Variants in BICDL2 observed in about 807,000 individuals in gnomAD.
BICDL2 encodes BICD family-like cargo adapter 2.
BICDL2 carries 62 observed loss-of-function variants against 56.6 expected under a neutral mutation model. The ratio of observed to expected loss-of-function variants is 1.10; its 90% confidence interval spans 0.89 to 1.35. The LOEUF is 1.35. Among genes scored for constraint, BICDL2 ranks in the 40% most tolerant of loss-of-function variants. BICDL2 has a pLI of 0.00. For missense variants in BICDL2, 808 were observed against 684.5 expected (o/e 1.18, Z -2.01); for synonymous variants, 358 against 319.8 (o/e 1.12, Z -1.27).
chr16:3,030,980 G>C lies in BICDL2; in HGVS notation c.453C>G (p.Ser151Arg), dbSNP rs758642356. Reference protein sequence around the residue: ...DSGRERARALSELSEQNLRLS... With the variant: ...DSGRERARALRELSEQNLRLS... ...GCCGGAGGTTCTGCTCGCTGAGCTCGCTGAGGGCCCGTGCCCGTTCTCGCC... is the reference window on the plus strand; with the variant it reads ...GCCGGAGGTTCTGCTCGCTGAGCTCCCTGAGGGCCCGTGCCCGTTCTCGCC... Residue 151 changes from serine to arginine, a missense_variant, in exon 3 of 10, where the codon AGC (serine) becomes AGG (arginine). Physicochemically the swap from Ser to Arg is moderately radical, Grantham distance 110. Transcript: ENST00000572449. 6.4e-7 allele frequency: 1 copy of C among 1,553,368 alleles called. No individual in the cohort carries two copies.
Position 3,027,834 on chromosome 16 carries a change from C to T in BICDL2, c.*272G>A. ...CTGTCCGATCTTGATACATAAATAC[C>T]CAGCCCCATCCCTGCCCTAGAAAAG... On this transcript the variant is annotated 3_prime_UTR_variant, in exon 10 of 10. Transcript: ENST00000572449. The T allele has an allele frequency of 3.6e-6, 3 of 832,944 alleles. No individual in the cohort carries two copies. The highest frequency in any genetic ancestry group is 3.6e-6 in the Non-Finnish European group (2 of 560,024). The allele number at this position is 832,944 out of a possible 1,614,324, so 51.6% of individuals were successfully genotyped here.
Position 3,030,557 on chromosome 16 carries a change from G to T in BICDL2, c.654C>A (p.Ala218=). The part of the protein sequence containing the change: ...MLQSRRQDLE[A]QIRGLREEVE... The stretch of plus-strand genomic sequence containing the variant: ...CCTCCTCACGCAGGCCTCGGATCTG[G>T]GCCTCCAGGTCCTGCCGGCGGCTCT... Residue 218 remains alanine (A), a synonymous_variant, in exon 5 of 10, where the codon GCC becomes GCA. Coordinates refer to ENST00000572449, the MANE Select transcript of BICDL2 (RefSeq NM_001369667.1). 6.3e-7 allele frequency: 1 copy of T among 1,598,124 alleles called. No individual in the cohort carries two copies.
At chr16:3,031,207 G>T in intron 2 of BICDL2, 57 bp from the exon 3 acceptor site, 2 of 1,448,008 alleles carry the variant, frequency 1.4e-6, no homozygotes, top group Non-Finnish European at 1.9e-6. Flanking sequence ...GACTGGGCAG[G>T]CACAGAGAGA....
rs1447686011 is a variant in BICDL2, at chr16:3,027,756, CTCTT to C, written c.*346_*349del. The C allele has an allele frequency of 2.4e-5, 32 of 1,341,294 alleles. No individual in the cohort carries two copies. Among genetic ancestry groups the C allele is most frequent in the Non-Finnish European group, 2.8e-5 (28 of 997,518 alleles). 83.1% of individuals were successfully genotyped at this position (1,341,294 alleles called of 1,614,324 possible). A position where few individuals can be genotyped will look rare whatever the true frequency, so the allele number is the denominator to read the frequency against. On this transcript the variant is annotated 3_prime_UTR_variant, in exon 10 of 10. Coordinates refer to ENST00000572449, the MANE Select transcript of BICDL2 (RefSeq NM_001369667.1). ...TAAAGTTTCAGGCTTTTTTACCATG[CTCTT>C]TCTTTCTATGAATGGGGGCCAAATC...
chr16:3,029,133 AC>A, intron 7 of BICDL2, 146 bp downstream of exon 7: 2 of 1,015,630 alleles, frequency 2.0e-6, no homozygotes, highest in South Asian at 1.6e-5. Flanking sequence ...GAGGTGGCAT[AC>A]AGGCTGGCTC....
At chr16:3,028,927 G>T in intron 7 of BICDL2, 97 bp from the exon 8 acceptor site, 1 of 1,424,818 alleles carries the variant, frequency 7.0e-7, no homozygotes, top group Non-Finnish European at 9.3e-7. Context: ...CCCCTCCTCT[G>T]CCTGCGACAG....
rs549203660 is a variant in BICDL2 at position 3,035,558 on chromosome 16, G to A, written c.-30-32C>T. 2.2e-5 allele frequency: 33 copies of A among 1,528,492 alleles called. No individual in the cohort carries two copies. In the African/African-American group the frequency reaches 4.0e-4, roughly 18 times the overall value. 94.7% of individuals were successfully genotyped at this position (1,528,492 alleles called of 1,614,324 possible). Reference sequence around the variant, plus strand: ...GACACTCTACTCTGCAGCCTGACAGGGGCTCACCCTCCGCCCAGCACCTGG... The same window carrying A: ...GACACTCTACTCTGCAGCCTGACAGAGGCTCACCCTCCGCCCAGCACCTGG... On this transcript the variant is annotated intron_variant, in intron 1 of 9. Transcript: ENST00000572449.
rs1158654770 is a variant in BICDL2 at position 3,027,710 on chromosome 16, T to A, written c.*396A>T. The A allele has an allele frequency of 4.9e-4, 22 of 45,246 alleles. No homozygotes were observed. The highest frequency in any genetic ancestry group is 6.8e-4 in the Non-Finnish European group (19 of 27,970). The allele number at this position is 45,246 out of a possible 1,614,324, so 2.8% of individuals were successfully genotyped here. A position where few individuals can be genotyped will look rare whatever the true frequency, so the allele number is the denominator to read the frequency against. On this transcript the variant is annotated 3_prime_UTR_variant, in exon 10 of 10. Coordinates refer to ENST00000572449, the MANE Select transcript of BICDL2 (RefSeq NM_001369667.1). ...GGGTTTTAGAGTGTTTTTCATTTTCTTTTTTTTTTTTTTTTTACAATAAAG... is the reference window on the plus strand; with the variant it reads ...GGGTTTTAGAGTGTTTTTCATTTTCATTTTTTTTTTTTTTTTACAATAAAG...
At chr16:3,030,030 T>G in intron 5 of BICDL2, 1 of 500,564 alleles carries the variant, frequency 2.0e-6, no homozygotes, top group African/African-American at 2.0e-5. Context: ...TTGGTGCTAC[T>G]GAGGCTGCTT....
In BICDL2 at chr16:3,029,619, A is replaced by G. The variant is rs981860422; in HGVS notation, c.883T>C (p.Leu295=). The G allele has an allele frequency of 6.5e-6, 10 of 1,537,836 alleles. No individual in the cohort carries two copies. The African/African-American group carries it at 8.2e-5, about 13-fold the overall frequency. ...LQDADVSAAS[L]QSELAHSLDD... is the part of the protein sequence containing the mutation. ...AGGCTGTGGGCCAGTTCTGACTGCAACGAGGCAGCCGACACGTCGGCGTCC... is the reference window on the plus strand; with the variant it reads ...AGGCTGTGGGCCAGTTCTGACTGCAGCGAGGCAGCCGACACGTCGGCGTCC... The change falls in exon 6 of 10, where the codon TTG becomes CTG. Residue 295 remains leucine, a synonymous_variant. Coordinates refer to ENST00000572449, the MANE Select transcript of BICDL2 (RefSeq NM_001369667.1).
chr16:3,036,222 C>T (rs1463646048), intron 1 of BICDL2: 5 of 453,344 alleles, frequency 1.1e-5, no homozygotes, highest in Non-Finnish European at 1.8e-5. Context: ...TGACCCTCAG[C>T]CCCCCAGTTT....
rs1567419263 is a variant in BICDL2, at chr16:3,028,360, C to CAGCT, written c.1343_1346dup (p.Glu450AlafsTer55). The stretch of plus-strand genomic sequence containing the variant: ...CCCCGCCCCTCACCTGCCAGGCCTC[C>CAGCT]AGCTCCTGCGTGAGCGCCACCTTCT... On this transcript the variant is annotated frameshift_variant, in exon 9 of 10. Coordinates refer to ENST00000572449, the MANE Select transcript of BICDL2 (RefSeq NM_001369667.1). LOFTEE classifies it low-confidence loss of function (END_TRUNC). 1 of 1,550,678 alleles carries CAGCT rather than the reference C, an allele frequency of 6.4e-7. No homozygotes were observed. The highest frequency in any genetic ancestry group is 1.9e-5 in the Admixed American group (1 of 53,224).
intron 7 of BICDL2, 52 bp from the exon 8 acceptor site, chr16:3,028,882 G>A: frequency 1.3e-6 from 2 of 1,505,082 alleles, no homozygotes; most frequent in Non-Finnish European, 1.8e-6. Context: ...GGGCCTCCCT[G>A]CTTCTCCCAG....
intron 2 of BICDL2, 35 bp downstream of exon 2, chr16:3,035,180 C>T: frequency 1.2e-5 from 2 of 171,620 alleles, no homozygotes; most frequent in Non-Finnish European, 2.3e-5. Context: ...CTCCCCTGCC[C>T]ACCCACCCAC....
intron 1 of BICDL2, 76 bp from the exon 2 acceptor site, chr16:3,035,602 C>A (rs1013615557): frequency 1.3e-5 from 18 of 1,345,962 alleles, no homozygotes; most frequent in Middle Eastern, 2.7e-4. Flanking sequence ...GAATTCTCCA[C>A]CTGCTGCCAG....
rs1180420738 is a variant in BICDL2 at position 3,028,505 on chromosome 16, C to T, written c.1239-37G>A. 4 of 1,566,736 alleles carry T rather than the reference C, an allele frequency of 2.6e-6. No homozygotes were observed. The East Asian group carries it at 6.9e-5, about 27-fold the overall frequency. Reference sequence around the variant, plus strand: ...GGAGCAGAAGACGCGTTTGAGGGCGCTAGGGCCTCAGGGAGCCGGGGTGGC... The same window carrying T: ...GGAGCAGAAGACGCGTTTGAGGGCGTTAGGGCCTCAGGGAGCCGGGGTGGC... On this transcript the variant is annotated intron_variant, in intron 8 of 9. Coordinates refer to ENST00000572449, the MANE Select transcript of BICDL2 (RefSeq NM_001369667.1).
Position 3,035,177 on chromosome 16 carries a change from G to GTCCCCCCCCCC in BICDL2, c.282+37_282+38insGGGGGGGGGGA. On this transcript the variant is annotated intron_variant, in intron 2 of 9. Transcript: ENST00000572449. The stretch of plus-strand genomic sequence containing the variant: ...TCTCCAGGCCCACCCGTCCTCCCCT[G>GTCCCCCCCCCC]CCCACCCACCCACCCACCCCGTCCA... The GTCCCCCCCCCC allele has an allele frequency of 4.2e-5, 5 of 118,826 alleles. 1 individual carries two copies. Among genetic ancestry groups the GTCCCCCCCCCC allele is most frequent in the African/African-American group, 1.0e-4 (2 of 19,862 alleles). The allele number at this position is 118,826 out of a possible 1,614,324, so 7.4% of individuals were successfully genotyped here.
rs73497084 is a variant in BICDL2 at position 3,036,010 on chromosome 16, C to T, written c.-30-484G>A. On this transcript the variant is annotated intron_variant, in intron 1 of 9. Coordinates refer to ENST00000572449, the MANE Select transcript of BICDL2 (RefSeq NM_001369667.1). The stretch of plus-strand genomic sequence containing the variant: ...CCCAGGAATCCAGCTCCTTCCCCTG[C>T]CAGAAGCCCAGATCCCAGCCCCTGA... 2.1e-3 allele frequency: 659 copies of T among 313,940 alleles called. 3 individuals carry two copies. The highest frequency in any genetic ancestry group is 0.013 in the African/African-American group (588 of 44,934). The allele number at this position is 313,940 out of a possible 1,614,324, so 19.4% of individuals were successfully genotyped here.
intron 2 of BICDL2, chr16:3,035,008 C>T: frequency 1.7e-6 from 1 of 589,710 alleles, no homozygotes; most frequent in Non-Finnish European, 3.0e-6. Flanking sequence ...CTGTGCCCGG[C>T]ACCCAGAGTT....
Sources: allele counts gnomAD v4.1 joint callset, GRCh38; gene constraint gnomAD v4.1.1; transcripts MANE v1.5; gene names NCBI Gene and HGNC (gene_info 2026-07-23, HGNC 2026-07-21).